VANGL2: variants seen among roughly 807,000 people sequenced by gnomAD.
The protein encoded by VANGL2 is vang-like protein 2.
VANGL2 carries 14 observed loss-of-function variants against 50.2 expected under a neutral mutation model. The observed-to-expected ratio is 0.28, with a 90% CI of 0.18 to 0.44. The LOEUF is 0.44. VANGL2 is among the 20% of genes least tolerant of loss of function. VANGL2 has a pLI of 1.00. For synonymous variants in VANGL2, 295 were observed against 297.2 expected (o/e 0.99, Z 0.08); for missense variants, 533 against 701.5 (o/e 0.76, Z 2.71).
Position 160,415,808 on chromosome 1 carries a change from G to C in VANGL2, c.-30G>C. 1.9e-6 allele frequency: 3 copies of C among 1,605,488 alleles called. No individual in the cohort carries two copies. Among genetic ancestry groups the C allele is most frequent in the Non-Finnish European group, 2.5e-6 (3 of 1,176,866 alleles). ...CAAGAGGCCCCAGCCTGCGGCCCTGGAGCGCTACAAGGCGCGGCGTTCAGA... is the reference window on the plus strand; with the variant it reads ...CAAGAGGCCCCAGCCTGCGGCCCTGCAGCGCTACAAGGCGCGGCGTTCAGA... On this transcript the variant is annotated 5_prime_UTR_variant, in exon 2 of 8. Coordinates refer to ENST00000368061, the MANE Select transcript of VANGL2 (RefSeq NM_020335.3).
intron 1 of VANGL2, among the ~76,000 whole-genome samples, chr1:160,408,620 G>A (rs551959778): frequency 5.9e-5 from 9 of 152,266 alleles, no homozygotes; most frequent in African/African-American, 2.2e-4. Context: ...CCCCCACCCT[G>A]GGGCTATGAG....
Position 160,421,064 on chromosome 1 carries a change from A to G in VANGL2, c.950A>G (p.Asn317Ser). ...VYSLGEENST[N>S]NSTGQSRAVI... Reference sequence around the variant, plus strand: ...TGTTCCTGTGCAGAAAACAGCACCAACAACTCCACTGGCCAGTCTCGGGCT... The same window carrying G: ...TGTTCCTGTGCAGAAAACAGCACCAGCAACTCCACTGGCCAGTCTCGGGCT... Residue 317 changes from asparagine to serine, a missense_variant, in exon 6 of 8, where the codon AAC becomes AGC. Physicochemically the swap from Asn to Ser is conservative, Grantham distance 46. Transcript: ENST00000368061. 1 of 1,614,100 alleles carries G rather than the reference A, an allele frequency of 6.2e-7. No individual in the cohort carries two copies. The highest frequency in any genetic ancestry group is 8.5e-7 in the Non-Finnish European group (1 of 1,180,022).
chr1:160,425,105 C>T lies in VANGL2; in HGVS notation c.1306-13C>T. On this transcript the variant is annotated splice_polypyrimidine_tract_variant and intron_variant, in intron 7 of 7. Coordinates refer to ENST00000368061, the MANE Select transcript of VANGL2 (RefSeq NM_020335.3). Reference sequence around the variant, plus strand: ...GACAGAGATTCTTATGCAGCCCCTTCTTTCCACTTCAGGCCTTCTTGGAGC... The same window carrying T: ...GACAGAGATTCTTATGCAGCCCCTTTTTTCCACTTCAGGCCTTCTTGGAGC... 1 of 1,614,046 alleles carries T rather than the reference C, an allele frequency of 6.2e-7. No individual in the cohort carries two copies. Among genetic ancestry groups the T allele is most frequent in the Non-Finnish European group, 8.5e-7 (1 of 1,179,926 alleles).
At chr1:160,407,868 G>C (rs1192083825) in intron 1 of VANGL2, among the ~76,000 whole-genome samples, 1 of 152,190 alleles carries the variant, frequency 6.6e-6, no homozygotes, top group Non-Finnish European at 1.5e-5. Flanking sequence ...AAAGCCTGGT[G>C]GTGGAAATTG....
chr1:160,425,411 GGGGGTCCTGA>G lies in VANGL2; in HGVS notation c.*38_*47del. ...ACAGCAGGGGGAGTGGGAAACTCTG[GGGGGTCCTGA>G]GGGGGTGGGAGGGGGCTTGGTTCTC... On this transcript the variant is annotated 3_prime_UTR_variant, in exon 8 of 8. Coordinates refer to ENST00000368061, the MANE Select transcript of VANGL2 (RefSeq NM_020335.3). 6.5e-7 allele frequency: 1 copy of G among 1,535,534 alleles called. No homozygotes were observed. Among genetic ancestry groups the G allele is most frequent in the South Asian group, 1.2e-5 (1 of 80,474 alleles).
chr1:160,406,364 T>C (rs1650659796), intron 1 of VANGL2, among the ~76,000 whole-genome samples: 1 of 152,030 alleles, frequency 6.6e-6, no homozygotes, highest in South Asian at 2.1e-4. Flanking sequence ...GCCTGAGGAG[T>C]AGAGAAGCCT....
intron 1 of VANGL2, among the ~76,000 whole-genome samples, chr1:160,413,955 G>T (rs1177573301): frequency 6.6e-6 from 1 of 152,136 alleles, no homozygotes; most frequent in African/African-American, 2.4e-5. Flanking sequence ...TTCCTCCCCA[G>T]TCTTCCCTAC....
At chr1:160,424,760 G>A (rs1651393970) in intron 7 of VANGL2, among the ~76,000 whole-genome samples, 1 of 152,266 alleles carries the variant, frequency 6.6e-6, no homozygotes, top group Admixed American at 6.5e-5. Flanking sequence ...TCCTGGTGCA[G>A]ACCTGCTTGG....
rs868351622 is a variant in VANGL2 at position 160,403,102 on chromosome 1, G to A, written c.-191+2233G>A. Among the ~76,000 whole-genome samples the A allele has an allele frequency of 9.9e-5, 15 of 151,940 alleles. 2 individuals carry two copies. The South Asian group carries it at 2.9e-3, about 30-fold the overall frequency. Reference sequence around the variant, plus strand: ...AGTAGGGGTTAGAAAATGTTTGAACGAGGAACGGGGAACGGGGCAGAGTAG... The same window carrying A: ...AGTAGGGGTTAGAAAATGTTTGAACAAGGAACGGGGAACGGGGCAGAGTAG... On this transcript the variant is annotated intron_variant, in intron 1 of 7. Transcript: ENST00000368061.
chr1:160,421,196 C>T lies in VANGL2; in HGVS notation c.1073+9C>T. On this transcript the variant is annotated intron_variant, in intron 6 of 7. Coordinates refer to ENST00000368061, the MANE Select transcript of VANGL2 (RefSeq NM_020335.3). ...CGCAAGAGGAGGGCCAGGTGGGTCC[C>T]TGGGGGAGAAGAGGAGAGGAGGTGC... 1 of 1,612,666 alleles carries T rather than the reference C, an allele frequency of 6.2e-7. No homozygotes were observed. Among genetic ancestry groups the T allele is most frequent in the Non-Finnish European group, 8.5e-7 (1 of 1,179,992 alleles).
Position 160,414,534 on chromosome 1 carries a change from C to T in VANGL2, c.-190-1114C>T, listed in dbSNP as rs74861656. Among the ~76,000 whole-genome samples, 638 of 152,286 alleles carry T rather than the reference C, an allele frequency of 4.2e-3. 41 individuals carry two copies. In the East Asian group the frequency reaches 0.11, roughly 25 times the overall value. ...CTCCATGGGTGTCTCTCATAGTTTG[C>T]TGTTCTGCCCTTCCATCATGCCTGC... On this transcript the variant is annotated intron_variant, in intron 1 of 7. Transcript: ENST00000368061.
intron 1 of VANGL2, among the ~76,000 whole-genome samples, chr1:160,412,187 G>A (rs769059334): frequency 9.9e-5 from 15 of 152,270 alleles, no homozygotes; most frequent in Non-Finnish European, 2.1e-4. Context: ...CAGTGGAAGA[G>A]TTAGGTTTTG....
rs1223615542 is a variant in VANGL2, at chr1:160,414,935, A to T, written c.-190-713A>T. ...TGAAGATAAGCCTATAAATAGGCAG[A>T]TAAACTTGTGCCTTGCCTGTTTCAG... On this transcript the variant is annotated intron_variant, in intron 1 of 7. Coordinates refer to ENST00000368061, the MANE Select transcript of VANGL2 (RefSeq NM_020335.3). Among the ~76,000 whole-genome samples, 3 of 152,300 alleles carry T rather than the reference A, an allele frequency of 2.0e-5. No individual in the cohort carries two copies. In the East Asian group the frequency reaches 5.8e-4, roughly 29 times the overall value.
At chr1:160,421,674 G>C (rs1651281093) in intron 6 of VANGL2, among the ~76,000 whole-genome samples, 2 of 152,180 alleles carry the variant, frequency 1.3e-5, no homozygotes, top group Admixed American at 6.5e-5. Context: ...TAAGGCCACT[G>C]ACTTGGCACA....
rs757944152 is a variant in VANGL2 at position 160,428,308 on chromosome 1, C to T, written c.*2930C>T. The T allele has an allele frequency of 1.3e-5, 2 of 152,686 alleles. No individual in the cohort carries two copies. Among genetic ancestry groups the T allele is most frequent in the African/African-American group, 2.4e-5 (1 of 41,446 alleles). The allele number at this position is 152,686 out of a possible 1,614,324, so 9.5% of individuals were successfully genotyped here. ...CTGTCTTCTCTTTCCTCTGCCCTTC[C>T]CACAGGGCAGTATCTGCTGATGGAT... On this transcript the variant is annotated 3_prime_UTR_variant, in exon 8 of 8. Coordinates refer to ENST00000368061, the MANE Select transcript of VANGL2 (RefSeq NM_020335.3).
intron 3 of VANGL2, among the ~76,000 whole-genome samples, chr1:160,416,521 G>C (rs1198203822): frequency 1.3e-5 from 2 of 152,152 alleles, no homozygotes; most frequent in Non-Finnish European, 2.9e-5. Flanking sequence ...GGGTGGTGGT[G>C]GTGGCTGGGC....
At chr1:160,404,455 C>A (rs543722494) in intron 1 of VANGL2, among the ~76,000 whole-genome samples, 5 of 152,266 alleles carry the variant, frequency 3.3e-5, no homozygotes, top group African/African-American at 1.2e-4. Context: ...TTAAAGTGAA[C>A]AGTGGCATTT....
At chr1:160,418,188 T>G (rs1224597931) in intron 3 of VANGL2, among the ~76,000 whole-genome samples, 1 of 152,230 alleles carries the variant, frequency 6.6e-6, no homozygotes, top group Non-Finnish European at 1.5e-5. Context: ...CCCAAAGTGC[T>G]GGGATTACAG....
intron 1 of VANGL2, 22 bp from the exon 2 acceptor site, chr1:160,415,622 TCTAA>T (rs1651025888): frequency 3.3e-6 from 2 of 605,894 alleles, no homozygotes; most frequent in Non-Finnish European, 5.8e-6. Flanking sequence ...TCGAGCCGCC[TCTAA>T]CTAGCTTCTT....
Sources: allele counts gnomAD v4.1 joint callset (sites outside exome capture counted in the v4.1 genomes callset), GRCh38; gene constraint gnomAD v4.1.1; transcripts MANE v1.5; gene names NCBI Gene and HGNC (gene_info 2026-07-23, HGNC 2026-07-21).